Variants in ACAD10 observed in about 807,000 individuals in gnomAD.
The protein encoded by ACAD10 is ACAD-10.
In ACAD10, 112 loss-of-function variants were observed where a neutral mutation model predicts 116.8. That is an observed-to-expected ratio of 0.96 (90% confidence interval 0.82 to 1.12). The LOEUF is 1.12. Ranked by LOEUF, ACAD10 falls within the 50% of genes most tolerant of loss-of-function variation. ACAD10 has a pLI of 0.00. For synonymous variants in ACAD10, 486 were observed against 510.6 expected (o/e 0.95, Z 0.65); for missense variants, 1,259 against 1,350.2 (o/e 0.93, Z 1.06).
At chr12:111,710,385 G>A in intron 5 of ACAD10, 1 of 390,880 alleles carries the variant, frequency 2.6e-6, no homozygotes, top group Middle Eastern at 3.5e-4. Context: ...ACCATGCCTG[G>A]CTTCTATTCT....
intron 1 of ACAD10, among the ~76,000 whole-genome samples, chr12:111,686,824 C>G (rs942450411): frequency 2.0e-5 from 3 of 152,322 alleles, no homozygotes; most frequent in Non-Finnish European, 1.5e-5. Flanking sequence ...TACTGAGAGT[C>G]TAGACACCCT....
intron 17 of ACAD10, 24 bp downstream of exon 17, chr12:111,748,499 C>T (rs1198478388): frequency 2.0e-5 from 33 of 1,611,438 alleles, no homozygotes; most frequent in Non-Finnish European, 2.7e-5. Flanking sequence ...GGGCGGGTCA[C>T]CCCTGGGTGT....
chr12:111,699,631 C>T (rs1888292994), intron 2 of ACAD10, among the ~76,000 whole-genome samples: 2 of 151,804 alleles, frequency 1.3e-5, no homozygotes, highest in Admixed American at 1.3e-4. Flanking sequence ...CTATAAAGGG[C>T]TAGACATGGT....
intron 2 of ACAD10, among the ~76,000 whole-genome samples, chr12:111,700,592 A>C (rs1212762401): frequency 1.3e-5 from 2 of 152,062 alleles, no homozygotes; most frequent in African/African-American, 4.8e-5. Flanking sequence ...GAAAAATGCT[A>C]TATGCTTTAG....
At chr12:111,754,357 T>C (rs1174855981) in intron 19 of ACAD10, among the ~76,000 whole-genome samples, 2 of 152,220 alleles carry the variant, frequency 1.3e-5, no homozygotes, top group Non-Finnish European at 2.9e-5. Context: ...CCTTGCTCTG[T>C]AGCCAGGCTA....
intron 8 of ACAD10, among the ~76,000 whole-genome samples, chr12:111,725,582 T>A (rs972319379): frequency 2.6e-5 from 4 of 151,780 alleles, no homozygotes; most frequent in African/African-American, 9.7e-5. Flanking sequence ...TTGCCCAGGC[T>A]GGAGCGAAAT....
intron 12 of ACAD10, among the ~76,000 whole-genome samples, chr12:111,742,976 G>A (rs1301249610): frequency 6.6e-6 from 1 of 151,946 alleles, no homozygotes; most frequent in Non-Finnish European, 1.5e-5. Flanking sequence ...CAAAGTGCTG[G>A]GGTTACAGGC....
In ACAD10 at chr12:111,736,838, TGAC is replaced by T; in HGVS notation, c.1549_1551del (p.Asp517del). 1 of 1,613,322 alleles carries T rather than the reference TGAC, an allele frequency of 6.2e-7. No individual in the cohort carries two copies. Among genetic ancestry groups the T allele is most frequent in the Non-Finnish European group, 8.5e-7 (1 of 1,179,658 alleles). On this transcript the variant is annotated inframe_deletion, in exon 12 of 21. Transcript: ENST00000313698. ...GCTCTGTCTTTCTCGCAGGTATTAA[TGAC>T]TGTGACTTGACACAGCTGGGAATCC...
intron 6 of ACAD10, among the ~76,000 whole-genome samples, chr12:111,713,050 C>T (rs1267323588): frequency 6.6e-6 from 1 of 152,108 alleles, no homozygotes; most frequent in East Asian, 1.9e-4. Flanking sequence ...CGGTGGCTCA[C>T]GCTTGTAATC....
intron 2 of ACAD10, among the ~76,000 whole-genome samples, chr12:111,695,187 C>G (rs1049165139): frequency 9.9e-5 from 15 of 152,210 alleles, no homozygotes; most frequent in Admixed American, 5.9e-4. Flanking sequence ...TATGGACTAC[C>G]TGATGCTCCC....
At chr12:111,749,777 A>AT (rs1301287992) in intron 18 of ACAD10, 2,362 of 141,280 alleles carry the variant, frequency 0.017, 62 homozygotes, top group African/African-American at 0.049. Context: ...AAAAAAAAAA[A>AT]TTTTTTTTTT....
At chr12:111,702,354 CT>C (rs1566143717) in intron 3 of ACAD10, 44 bp downstream of exon 3, 1 of 1,601,672 alleles carries the variant, frequency 6.2e-7, no homozygotes, top group Non-Finnish European at 8.5e-7. Flanking sequence ...TTCTTTTTGC[CT>C]TGAGTAGTGG....
intron 3 of ACAD10, among the ~76,000 whole-genome samples, chr12:111,704,534 CTT>C (rs1725977833): frequency 6.6e-6 from 1 of 152,016 alleles, no homozygotes; most frequent in Non-Finnish European, 1.5e-5. Flanking sequence ...GAATTGTACT[CTT>C]TAAATAGGTG....
intron 8 of ACAD10, among the ~76,000 whole-genome samples, chr12:111,722,659 C>A (rs1482696418): frequency 1.3e-5 from 2 of 152,156 alleles, no homozygotes; most frequent in Admixed American, 1.3e-4. Context: ...CCATTTAACC[C>A]TGAGTGGACA....
intron 13 of ACAD10, chr12:111,745,291 GC>G: frequency 1.9e-6 from 1 of 520,318 alleles, no homozygotes; most frequent in East Asian, 2.9e-5. Flanking sequence ...GGAATGCTTG[GC>G]CTTAGAAAGC....
chr12:111,747,113 C>T lies in ACAD10; in HGVS notation c.2321C>T (p.Ala774Val), dbSNP rs759706100. 5.6e-6 allele frequency: 9 copies of T among 1,613,342 alleles called. No individual in the cohort carries two copies. The highest frequency in any genetic ancestry group is 1.1e-5 in the South Asian group (1 of 90,976). ...MELLVRYGTE[A>V]QKARWLIPLL... ...CTGCTGGTGAGGTATGGCACCGAAG[C>T]GCAGAAGGCTCGCTGGCTGATTCCT... Residue 774 changes from alanine to valine, a missense_variant, in exon 15 of 21, where the codon GCG becomes GTG. Ala to Val is a moderately conservative substitution (Grantham distance 64, BLOSUM62 0). Coordinates refer to ENST00000313698, the MANE Select transcript of ACAD10 (RefSeq NM_025247.6).
intron 18 of ACAD10, chr12:111,753,410 C>T (rs1257526389): frequency 6.7e-6 from 3 of 448,338 alleles, no homozygotes; most frequent in Admixed American, 2.4e-5. Flanking sequence ...CTCCCTCATT[C>T]CCAGGAGTAG....
rs1287274648 is a variant in ACAD10 at position 111,706,752 on chromosome 12, AT to A, written c.531+823del. Reference sequence around the variant, plus strand: ...AAGTATGAGCCACCGTGCCTGGCCTATTTATTTTTTTATATATATATATATA... The same window carrying A: ...AAGTATGAGCCACCGTGCCTGGCCTATTATTTTTTTATATATATATATATA... On this transcript the variant is annotated intron_variant, in intron 4 of 20. Coordinates refer to ENST00000313698, the MANE Select transcript of ACAD10 (RefSeq NM_025247.6). Among the ~76,000 whole-genome samples, 94 of 114,144 alleles carry A rather than the reference AT, an allele frequency of 8.2e-4. 1 individual carries two copies. In the Admixed American group the frequency reaches 8.9e-3, roughly 11 times the overall value. 74.9% of individuals were successfully genotyped at this position (114,144 alleles called of 152,430 possible). A position where few individuals can be genotyped will look rare whatever the true frequency, so the allele number is the denominator to read the frequency against.
chr12:111,715,246 T>C (rs746100334), intron 6 of ACAD10, among the ~76,000 whole-genome samples: 1 of 152,228 alleles, frequency 6.6e-6, no homozygotes, highest in South Asian at 2.1e-4. Context: ...AGTCTTCTTA[T>C]GGAGCTGAGA....
Sources: gnomAD v4.1 joint callset for allele counts (sites outside exome capture counted in the v4.1 genomes callset) on GRCh38, gnomAD v4.1.1 for gene constraint, MANE v1.5 for transcripts, NCBI Gene and HGNC (gene_info 2026-07-23, HGNC 2026-07-21) for gene names.